HEXD: variants seen among roughly 807,000 people sequenced by gnomAD.
HEXD encodes N-acetyl-beta-galactosaminidase.
HEXD carries 47 observed loss-of-function variants against 54.2 expected under a neutral mutation model. The ratio of observed to expected loss-of-function variants is 0.87; its 90% CI spans 0.69 to 1.11. The LOEUF (loss-of-function observed/expected upper bound fraction) is 1.11. Ranked by LOEUF, HEXD falls within the 50% of genes least tolerant of loss-of-function variation. HEXD has a pLI of 0.00. For synonymous variants in HEXD, 293 were observed against 287.6 expected (o/e 1.02, Z -0.19); for missense variants, 576 against 649.2 (o/e 0.89, Z 1.23).
At chr17:82,426,755 G>A (rs1417621102) in intron 3 of HEXD, 1 of 152,220 alleles carries the variant, frequency 6.6e-6, no homozygotes, top group Non-Finnish European at 1.5e-5. Flanking sequence ...TTGGGAGGCT[G>A]AGGCAGGCGG....
intron 4 of HEXD, among the ~76,000 whole-genome samples, chr17:82,431,169 GT>G (rs34339733): frequency 0.49 from 73,733 of 151,152 alleles, 19,788 homozygotes; most frequent in East Asian, 0.9. Flanking sequence ...TACCCGGCCA[GT>G]TTTTTTTATT....
intron 4 of HEXD, 38 bp downstream of exon 4, chr17:82,428,683 T>G (rs1190205916): frequency 1.3e-6 from 2 of 1,559,818 alleles, no homozygotes; most frequent in Non-Finnish European, 1.8e-6. Flanking sequence ...GTGCCAGGTG[T>G]GGGGTCCAGG....
At chr17:82,438,251 G>C (rs1026651193) in intron 8 of HEXD, among the ~76,000 whole-genome samples, 1 of 151,936 alleles carries the variant, frequency 6.6e-6, no homozygotes, top group Middle Eastern at 3.2e-3. Context: ...AAAAAAAAAT[G>C]TATTACTCTA....
rs764881064 is a variant in HEXD at position 82,442,582 on chromosome 17, C to T, written c.*198C>T. On this transcript the variant is annotated 3_prime_UTR_variant, in exon 13 of 13. Transcript: ENST00000327949. The surrounding 1 kb of genome is among the most constrained non-coding windows in gnomAD (Gnocchi z 6.8). ...ACAGAAGGAAGCAGCACAGGGAGAC[C>T]CGCTTTGTGATCTGCATGTGTGACA... The T allele has an allele frequency of 7.0e-6, 11 of 1,573,876 alleles. No homozygotes were observed. In the African/African-American group the frequency reaches 8.1e-5, roughly 12 times the overall value.
chr17:82,439,752 T>A (rs2053874827), intron 9 of HEXD, 39 bp downstream of exon 9: 3 of 1,598,100 alleles, frequency 1.9e-6, no homozygotes, highest in Non-Finnish European at 1.7e-6. Context: ...CACCGGCCCC[T>A]CCCCGAAAGA....
Position 82,433,053 on chromosome 17 carries a change from A to G in HEXD, c.283-605A>G, listed in dbSNP as rs867297066. 5.1e-3 allele frequency among the ~76,000 whole-genome samples: 534 copies of G among 105,480 alleles called. 3 individuals are homozygous for G. Among genetic ancestry groups the G allele is most frequent in the African/African-American group, 0.018 (495 of 27,300 alleles). 69.2% of individuals were successfully genotyped at this position (105,480 alleles called of 152,430 possible). ...TGCACTCCAGACTGGGCGGCAGAGC[A>G]AGACTCCATCTCAAAAAAAAAAAGA... On this transcript the variant is annotated intron_variant, in intron 4 of 12. Transcript: ENST00000327949.
chr17:82,442,385 G>A lies in HEXD; in HGVS notation c.*1G>A, dbSNP rs557669316. 1.1e-5 allele frequency: 18 copies of A among 1,609,874 alleles called. No homozygotes were observed. In the African/African-American group the frequency reaches 2.1e-4, roughly 19 times the overall value. ...CAGGGACGTTGCTCAGGACCCCTGA[G>A]GGGAGAGCTCATGCCAGGGGGCTCC... On this transcript the variant is annotated 3_prime_UTR_variant, in exon 13 of 13. Transcript: ENST00000327949. The surrounding 1 kb of genome is among the most constrained non-coding windows in gnomAD (Gnocchi z 6.8).
Position 82,437,256 on chromosome 17 carries a change from C to T in HEXD, c.792C>T (p.Ala264=), listed in dbSNP as rs757097789. The change falls in exon 8 of 13, where the codon GCC becomes GCT. Residue 264 remains alanine (A), a synonymous_variant. Transcript: ENST00000327949. ...AFKGATGPSQ[A]VPPVEHHLRN... ...AGGGTGCCACGGGGCCCAGCCAGGC[C>T]GTGCCCCCTGTTGAGCACCACCTCA... 33 of 1,611,918 alleles carry T rather than the reference C, an allele frequency of 2.0e-5. No individual in the cohort carries two copies. Among genetic ancestry groups the T allele is most frequent in the East Asian group, 8.9e-5 (4 of 44,860 alleles).
Position 82,440,273 on chromosome 17 carries a change from G to A in HEXD, c.982+560G>A, listed in dbSNP as rs1346232066. On this transcript the variant is annotated intron_variant, in intron 9 of 12. Transcript: ENST00000327949. ...GTGGTGCTGATGCAGAAAGAAAAAT[G>A]GCCGAGACGCGCGGAGAGCGGGACC... 2.3e-6 allele frequency: 3 copies of A among 1,286,038 alleles called. No homozygotes were observed. The African/African-American group carries it at 4.6e-5, about 20-fold the overall frequency. The allele number at this position is 1,286,038 out of a possible 1,614,324, so 79.7% of individuals were successfully genotyped here. A position where few individuals can be genotyped will look rare whatever the true frequency, so the allele number is the denominator to read the frequency against.
chr17:82,419,942 G>A, intron 2 of HEXD, 59 bp downstream of exon 2: 1 of 1,134,414 alleles, frequency 8.8e-7, no homozygotes, highest in South Asian at 1.3e-5. Context: ...ATTCTTTAAA[G>A]TTTTGAGCAG....
At chr17:82,440,907 T>G in intron 9 of HEXD, 90 bp from the exon 10 acceptor site, 1 of 1,444,022 alleles carries the variant, frequency 6.9e-7, no homozygotes, top group African/African-American at 1.4e-5. Flanking sequence ...GCCCGCCCAC[T>G]GCCCCAGTAC....
intron 2 of HEXD, among the ~76,000 whole-genome samples, chr17:82,422,645 A>G (rs1306204061): frequency 3.3e-5 from 5 of 152,262 alleles, no homozygotes; most frequent in African/African-American, 1.2e-4. Flanking sequence ...GACACCATGG[A>G]AAGTGCAGTA....
At chr17:82,419,636 C>T in intron 1 of HEXD, 113 bp from the exon 2 acceptor site, 1 of 516,904 alleles carries the variant, frequency 1.9e-6, no homozygotes, top group Non-Finnish European at 3.5e-6. Flanking sequence ...TGAGTTTCCT[C>T]CAAGTTAATC....
intron 8 of HEXD, among the ~76,000 whole-genome samples, chr17:82,438,686 G>A (rs1290256220): frequency 2.6e-5 from 4 of 152,250 alleles, no homozygotes; most frequent in African/African-American, 9.6e-5. Context: ...CAGGGGCCCC[G>A]TGCCCTCACC....
intron 6 of HEXD, among the ~76,000 whole-genome samples, chr17:82,436,406 A>G (rs1410632547): frequency 6.6e-6 from 1 of 152,208 alleles, no homozygotes; most frequent in Admixed American, 6.5e-5. Flanking sequence ...AGTGACCTCC[A>G]TTCAGCCGCG....
chr17:82,432,834 C>T (rs8074423), intron 4 of HEXD, among the ~76,000 whole-genome samples: 64,691 of 147,390 alleles, frequency 0.44, 14,831 homozygotes, highest in East Asian at 0.87. Flanking sequence ...GAGGCCAAGG[C>T]GGGCAGATCA....
At position 82,422,638 on chromosome 17, in the gene HEXD, A is replaced by G. The variant is rs571031392; in HGVS notation, c.85-1756A>G. On this transcript the variant is annotated intron_variant, in intron 2 of 12. Coordinates refer to ENST00000327949, the MANE Select transcript of HEXD (RefSeq NM_001330542.2). ...ATAAGAAGTGTACAAGTGAGTAGAC[A>G]CCATGGAAAGTGCAGTATTTGGAAA... Among the ~76,000 whole-genome samples the G allele has an allele frequency of 9.8e-5, 15 of 152,364 alleles. No individual in the cohort carries two copies. In the South Asian group the frequency reaches 3.1e-3, roughly 32 times the overall value.
At chr17:82,428,681 T>C in intron 4 of HEXD, 36 bp downstream of exon 4, 1 of 1,576,832 alleles carries the variant, frequency 6.3e-7, no homozygotes, top group Non-Finnish European at 8.7e-7. Context: ...TGGTGCCAGG[T>C]GTGGGGTCCA....
Position 82,419,988 on chromosome 17 carries a change from A to G in HEXD, c.84+105A>G, listed in dbSNP as rs558062382. The G allele has an allele frequency of 3.5e-4, 192 of 549,262 alleles. 1 individual carries two copies. In the African/African-American group the frequency reaches 3.5e-3, roughly 10 times the overall value. The allele number at this position is 549,262 out of a possible 1,614,324, so 34.0% of individuals were successfully genotyped here. Reference sequence around the variant, plus strand: ...AAACGGGTACCTAGAACACAACCACAAGGTTCTCGGTGGAGCAAGATGGTG... The same window carrying G: ...AAACGGGTACCTAGAACACAACCACGAGGTTCTCGGTGGAGCAAGATGGTG... On this transcript the variant is annotated intron_variant, in intron 2 of 12. Coordinates refer to ENST00000327949, the MANE Select transcript of HEXD (RefSeq NM_001330542.2).
Sources: gnomAD v4.1 joint callset for allele counts (sites outside exome capture counted in the v4.1 genomes callset) on GRCh38, gnomAD v4.1.1 for gene constraint, Gnocchi (gnomAD v3.1) non-coding constraint, MANE v1.5 for transcripts, NCBI Gene and HGNC (gene_info 2026-07-23, HGNC 2026-07-21) for gene names.